Variants in ZNF331 observed in about 807,000 individuals in gnomAD.
ZNF331 encodes C2H2-like zinc finger protein rearranged in thyroid adenomas.
A neutral mutation model predicts 7.0 loss-of-function variants in ZNF331; 2 were observed. The observed-to-expected ratio is 0.29, with a 90% confidence interval of 0.12 to 0.90. ZNF331 has a LOEUF of 0.90. Ranked by LOEUF, ZNF331 falls within the 40% of genes least tolerant of loss-of-function variation. The probability of loss-of-function intolerance (pLI) is 0.58; values close to 1 mark genes in which losing one functional copy is unlikely to be tolerated. For missense variants in ZNF331, 432 were observed against 587.7 expected (o/e 0.74, Z 2.74); for synonymous variants, 196 against 205.4 (o/e 0.95, Z 0.39).
chr19:53,507,334 CT>C, the ZNF331 span, among the ~76,000 whole-genome samples: 1 of 152,260 alleles, frequency 6.6e-6, no homozygotes, highest in South Asian at 2.1e-4. Context: ...CCACAGACAG[CT>C]TGGGGCTCCC....
chr19:53,571,604 G>A lies in ZNF331; in HGVS notation c.10G>A (p.Gly4Ser). The change falls in exon 5 of 6, where the codon GGT becomes AGT. Residue 4 changes from glycine to serine, a missense_variant and splice_region_variant. Transcript: ENST00000449416. This position sits in a 1 kb window ranked among gnomAD's most constrained non-coding sequence, Gnocchi z 4.7. MAQ[G>S]LVTFADVAID... is the part of the protein sequence containing the mutation. ...ATGCACGTGTGGGTTTCTGTTTCAG[G>A]GTTTGGTGACGTTCGCCGACGTAGC... The A allele has an allele frequency of 1.2e-6, 2 of 1,613,672 alleles. No homozygotes were observed. Among genetic ancestry groups the A allele is most frequent in the Non-Finnish European group, 1.7e-6 (2 of 1,179,846 alleles).
chr19:53,512,311 C>G, the ZNF331 span: 1 of 153,230 alleles, frequency 6.5e-6, no homozygotes, highest in Admixed American at 6.5e-5. Context: ...TGCACAGAGG[C>G]CCCGGAGCTG....
At chr19:53,509,908 T>C in the ZNF331 span, among the ~76,000 whole-genome samples, 3 of 152,182 alleles carry the variant, frequency 2.0e-5, no homozygotes, top group Non-Finnish European at 2.9e-5. Context: ...AAGGTATGTC[T>C]TACCATTGTG....
At chr19:53,556,480 CTTTTTTTTTTTAATT>C (rs972187958) in intron 3 of ZNF331, among the ~76,000 whole-genome samples, 9 of 144,874 alleles carry the variant, frequency 6.2e-5, no homozygotes, top group African/African-American at 2.3e-4. Flanking sequence ...AAAGGGCAAA[CTTTTTTTTTTTAATT>C]TTTTTTTTTT....
intron 2 of ZNF331, among the ~76,000 whole-genome samples, chr19:53,524,590 G>C (rs1445871022): frequency 6.6e-6 from 1 of 150,872 alleles, no homozygotes; most frequent in East Asian, 1.9e-4. Flanking sequence ...TCATATCCTT[G>C]GCCCACTTTT....
chr19:53,519,677 C>T (rs1780855841), upstream of ZNF331, among the ~76,000 whole-genome samples: 1 of 152,212 alleles, frequency 6.6e-6, no homozygotes, highest in South Asian at 2.1e-4. Flanking sequence ...ATCTGAAGAG[C>T]CAGGCAGTGC....
Position 53,539,959 on chromosome 19 carries a change from T to C in ZNF331, c.-138+677T>C, listed in dbSNP as rs1276574412. ...AAAGAAAAATGCACCTGACATAATA[T>C]TAAACACTACTAATAGTTATTAACA... On this transcript the variant is annotated intron_variant, in intron 2 of 5. Coordinates refer to ENST00000449416, the MANE Select transcript of ZNF331 (RefSeq NM_001079906.2). This position sits in a 1 kb window ranked among gnomAD's most constrained non-coding sequence, Gnocchi z 6.1. Among the ~76,000 whole-genome samples, 2 of 152,198 alleles carry C rather than the reference T, an allele frequency of 1.3e-5. No homozygotes were observed. The highest frequency in any genetic ancestry group is 2.9e-5 in the Non-Finnish European group (2 of 68,026).
intron 3 of ZNF331, among the ~76,000 whole-genome samples, 168 bp from the exon 4 acceptor site, chr19:53,569,136 G>A (rs1312043894): frequency 1.1e-4 from 17 of 152,138 alleles, no homozygotes; most frequent in East Asian, 1.9e-4. Flanking sequence ...GATTACAGGC[G>A]TGAGCCACCG....
intron 2 of ZNF331, among the ~76,000 whole-genome samples, chr19:53,546,956 G>A (rs929003638): frequency 6.6e-6 from 1 of 152,100 alleles, no homozygotes; most frequent in Non-Finnish European, 1.5e-5. Flanking sequence ...GAGGTTGGCA[G>A]CTGTCTTCAA....
In ZNF331 at chr19:53,579,545, A is replaced by T. The variant is rs1303695358; in HGVS notation, c.*1593A>T. On this transcript the variant is annotated 3_prime_UTR_variant, in exon 6 of 6. Coordinates refer to ENST00000449416, the MANE Select transcript of ZNF331 (RefSeq NM_001079906.2). Reference sequence around the variant, plus strand: ...GTAACTGGAATATTGTGTAATTTTAATAAATAATAACTATTGTTGTTTTTA... The same window carrying T: ...GTAACTGGAATATTGTGTAATTTTATTAAATAATAACTATTGTTGTTTTTA... The T allele has an allele frequency of 4.9e-6, 1 of 203,464 alleles. No homozygotes were observed. The highest frequency in any genetic ancestry group is 1.0e-5 in the Non-Finnish European group (1 of 98,942). 12.6% of individuals were successfully genotyped at this position (203,464 alleles called of 1,614,324 possible).
At chr19:53,535,000 T>A (rs1371925672), upstream of ZNF331, among the ~76,000 whole-genome samples, 2 of 134,328 alleles carry the variant, frequency 1.5e-5, no homozygotes, top group Non-Finnish European at 3.1e-5. Context: ...TATAATGGGA[T>A]TAATGAAAGC....
At position 53,550,937 on chromosome 19, in the gene ZNF331, C is replaced by T. The variant is rs1320619564; in HGVS notation, c.-137-4908C>T. ...CAATCTCGGCCCAACCTCCGCCTCC[C>T]GGGTTCAAGCTCTTCTCCTACCTCA... On this transcript the variant is annotated intron_variant, in intron 2 of 5. Coordinates refer to ENST00000449416, the MANE Select transcript of ZNF331 (RefSeq NM_001079906.2). 2.0e-5 allele frequency among the ~76,000 whole-genome samples: 3 copies of T among 151,618 alleles called. No homozygotes were observed. In the South Asian group the frequency reaches 6.3e-4, roughly 32 times the overall value.
chr19:53,524,425 G>A (rs560263156), intron 2 of ZNF331, among the ~76,000 whole-genome samples: 64 of 152,262 alleles, frequency 4.2e-4, no homozygotes, highest in African/African-American at 1.5e-3. Flanking sequence ...TCTAGCATCT[G>A]TTGTTTCCTG....
the ZNF331 span, among the ~76,000 whole-genome samples, chr19:53,508,057 A>G: frequency 6.6e-6 from 1 of 152,182 alleles, no homozygotes; most frequent in Non-Finnish European, 1.5e-5. Context: ...ACTGGAAACA[A>G]TCTCAGCTGC....
the ZNF331 span, among the ~76,000 whole-genome samples, chr19:53,506,700 C>T: frequency 1.3e-4 from 20 of 152,192 alleles, 1 homozygote; most frequent in Non-Finnish European, 1.6e-4. Flanking sequence ...CCAGTGAGGG[C>T]GGAAAGAGGG....
the ZNF331 span, among the ~76,000 whole-genome samples, chr19:53,505,002 T>C: frequency 2.6e-4 from 40 of 152,188 alleles, no homozygotes; most frequent in African/African-American, 8.9e-4. Flanking sequence ...TGTGATTTAT[T>C]TGTTGCTCAT....
intron 3 of ZNF331, among the ~76,000 whole-genome samples, chr19:53,565,134 G>A (rs1249273358): frequency 6.6e-6 from 1 of 152,188 alleles, no homozygotes; most frequent in African/African-American, 2.4e-5. Flanking sequence ...TGCCTGTACA[G>A]TGTTTATAAT....
chr19:53,559,512 A>G (rs111073464), intron 3 of ZNF331, among the ~76,000 whole-genome samples: 44,212 of 150,692 alleles, frequency 0.29, 6,704 homozygotes, highest in African/African-American at 0.36. Flanking sequence ...ACACACCTAC[A>G]TATATACACA....
intron 2 of ZNF331, among the ~76,000 whole-genome samples, chr19:53,544,112 A>C (rs1209964732): frequency 6.6e-6 from 1 of 151,660 alleles, no homozygotes; most frequent in Non-Finnish European, 1.5e-5. Flanking sequence ...CTGTAGTCCC[A>C]GCTACTCGGG....
Sources: gnomAD v4.1 joint callset for allele counts (sites outside exome capture counted in the v4.1 genomes callset) on GRCh38, gnomAD v4.1.1 for gene constraint, Gnocchi (gnomAD v3.1) non-coding constraint, MANE v1.5 for transcripts, NCBI Gene and HGNC (gene_info 2026-07-23, HGNC 2026-07-21) for gene names.